The following MED12L variants were observed in gnomAD, a reference collection of about 807,000 sequenced individuals.
MED12L encodes the protein mediator complex subunit 12L.
MED12L carries 60 observed loss-of-function variants against 281.3 expected under a neutral mutation model. The ratio of observed to expected loss-of-function variants is 0.21; its 90% CI spans 0.17 to 0.26. The LOEUF (loss-of-function observed/expected upper bound fraction) is 0.26, where lower values mean the gene tolerates loss of function less well. MED12L is among the 10% of genes least tolerant of loss of function. The pLI, the probability that MED12L is intolerant of heterozygous loss-of-function variation, is 1.00. For synonymous variants in MED12L, 974 were observed against 987.2 expected (o/e 0.99, Z 0.25); for missense variants, 2,146 against 2,680.9 (o/e 0.80, Z 4.41).
At chr3:151,366,156 A>T (rs1410869793) in intron 23 of MED12L, among the ~76,000 whole-genome samples, 165 bp downstream of exon 23, 4 of 152,170 alleles carry the variant, frequency 2.6e-5, no homozygotes, top group African/African-American at 4.8e-5. Flanking sequence ...ATTGCCAGGG[A>T]TTAAATACAT....
At chr3:151,169,100 T>C (rs1165887706) in intron 11 of MED12L, among the ~76,000 whole-genome samples, 1 of 150,482 alleles carries the variant, frequency 6.6e-6, no homozygotes, top group African/African-American at 2.5e-5. Flanking sequence ...TGTTTTCTTT[T>C]TCTTTGTTTT....
intron 16 of MED12L, among the ~76,000 whole-genome samples, chr3:151,292,288 CTTTT>C (rs35742538): frequency 0.43 from 59,934 of 139,862 alleles, 12,635 homozygotes; most frequent in Middle Eastern, 0.63. Context: ...AATATTGCTC[CTTTT>C]TTTTTTTTTT....
rs1349289056 is a variant in MED12L at position 151,163,939 on chromosome 3, C to T, written c.1154C>T (p.Thr385Ile). The T allele has an allele frequency of 3.0e-5, 48 of 1,613,446 alleles. No individual in the cohort carries two copies. The highest frequency in any genetic ancestry group is 4.1e-5 in the Non-Finnish European group (48 of 1,179,758). The stretch of plus-strand genomic sequence containing the variant: ...AGTGCCTTGGTGTGGAATTATTCCA[C>T]AAATGAAAATAAGAGCGCAAACCCA... ...CPSALVWNYS[T>I]NENKSANPGS... Residue 385 changes from threonine (T) to isoleucine (I), a missense_variant, in exon 9 of 45, where the codon ACA (threonine) becomes ATA (isoleucine). By Grantham distance (89) the Thr-to-Ile change is moderately conservative (BLOSUM62 -1). This residue lies in a region of MED12L where 722 missense variants were observed against 861.2 expected (regional missense o/e 0.84). Coordinates refer to ENST00000687756, the MANE Select transcript of MED12L (RefSeq NM_001393769.1).
intron 43 of MED12L, among the ~76,000 whole-genome samples, chr3:151,428,849 CA>C (rs972689944): frequency 6.6e-6 from 1 of 152,050 alleles, no homozygotes; most frequent in Non-Finnish European, 1.5e-5. Context: ...TTGTCATGTG[CA>C]ATATTTGGGA....
chr3:151,294,503 C>T (rs545185538), intron 16 of MED12L: 36 of 1,614,162 alleles, frequency 2.2e-5, no homozygotes, highest in Admixed American at 6.7e-5. Flanking sequence ...GTTATGTTTT[C>T]GCTTTCGGCT....
At chr3:151,164,767 C>G (rs1720461947) in intron 9 of MED12L, among the ~76,000 whole-genome samples, 1 of 151,916 alleles carries the variant, frequency 6.6e-6, no homozygotes, top group South Asian at 2.1e-4. Flanking sequence ...AAACCAAACA[C>G]CGCATGTTCT....
At chr3:151,422,953 G>GT (rs61502768) in intron 43 of MED12L, among the ~76,000 whole-genome samples, 23,327 of 140,992 alleles carry the variant, frequency 0.17, 2,830 homozygotes, top group East Asian at 0.45. Flanking sequence ...ACAGAACTAG[G>GT]TTTTTTTTTT....
At chr3:151,116,485 G>A in intron 3 of MED12L, 43 bp downstream of exon 3, 1 of 1,276,394 alleles carries the variant, frequency 7.8e-7, no homozygotes. Context: ...GAAAAAGTGT[G>A]TATATGTGAC....
At chr3:151,312,501 A>G (rs1747679853) in intron 16 of MED12L, among the ~76,000 whole-genome samples, 1 of 152,098 alleles carries the variant, frequency 6.6e-6, no homozygotes, top group African/African-American at 2.4e-5. Context: ...AGTAAAGGGT[A>G]CCCTCTAGAC....
At chr3:151,114,598 C>A (rs1712438001) in intron 2 of MED12L, among the ~76,000 whole-genome samples, 1 of 152,160 alleles carries the variant, frequency 6.6e-6, no homozygotes, top group African/African-American at 2.4e-5. Context: ...GCTACCATTA[C>A]TCCAACTGTT....
At chr3:151,162,106 A>G (rs1397914445) in intron 8 of MED12L, among the ~76,000 whole-genome samples, 1 of 152,170 alleles carries the variant, frequency 6.6e-6, no homozygotes, top group Non-Finnish European at 1.5e-5. Context: ...ATATATATAT[A>G]TTTTGATGGG....
rs138816254 is a variant in MED12L, at chr3:151,129,432, C to A, written c.556+1448C>A. 1.2e-3 allele frequency among the ~76,000 whole-genome samples: 182 copies of A among 151,652 alleles called. 4 individuals are homozygous for A. The East Asian group carries it at 0.031, about 26-fold the overall frequency. The stretch of plus-strand genomic sequence containing the variant: ...GTAATCCACAAGTTAACAGTGATGG[C>A]CTCTTAGTGTTGTTTTCACGGTGGT... On this transcript the variant is annotated intron_variant, in intron 5 of 44. Transcript: ENST00000687756.
chr3:151,101,702 T>G (rs1170832450), intron 2 of MED12L, among the ~76,000 whole-genome samples: 8 of 127,122 alleles, frequency 6.3e-5, no homozygotes, highest in East Asian at 5.6e-4. Context: ...CCCCAGCAGG[T>G]TGGGGGGTGG....
chr3:151,215,909 C>G (rs1576996418), intron 16 of MED12L, among the ~76,000 whole-genome samples: 1 of 152,176 alleles, frequency 6.6e-6, no homozygotes, highest in Admixed American at 6.5e-5. Flanking sequence ...CACAGACTTT[C>G]ATTTGTGTGG....
At chr3:151,102,896 G>A (rs1721565091) in intron 2 of MED12L, among the ~76,000 whole-genome samples, 1 of 152,150 alleles carries the variant, frequency 6.6e-6, no homozygotes, top group Non-Finnish European at 1.5e-5. Context: ...TGGGAAAGAA[G>A]GATAAAAGAA....
At position 151,398,014 on chromosome 3, in the gene MED12L, CA is replaced by C. The variant is rs199712571; in HGVS notation, c.5820+3148del. On this transcript the variant is annotated intron_variant, in intron 39 of 44. Transcript: ENST00000687756. ...TGGTTACCCCCTTTTCTTATGAGGTCAGACACTGGGCTGTATACTATTTTGT... is the reference window on the plus strand; with the variant it reads ...TGGTTACCCCCTTTTCTTATGAGGTCGACACTGGGCTGTATACTATTTTGT... Among the ~76,000 whole-genome samples the C allele has an allele frequency of 4.3e-3, 652 of 152,304 alleles. 4 individuals carry two copies. Among genetic ancestry groups the C allele is most frequent in the African/African-American group, 0.015 (606 of 41,552 alleles).
intron 4 of MED12L, among the ~76,000 whole-genome samples, chr3:151,125,289 A>G (rs1576779516): frequency 6.6e-6 from 1 of 152,104 alleles, no homozygotes; most frequent in Non-Finnish European, 1.5e-5. Context: ...AACTTCTTTC[A>G]CATATGTTCT....
At chr3:151,227,327 G>A (rs1207881432) in intron 16 of MED12L, among the ~76,000 whole-genome samples, 3 of 152,140 alleles carry the variant, frequency 2.0e-5, no homozygotes, top group Middle Eastern at 3.4e-3. Flanking sequence ...CTTGATCTTC[G>A]TATTCACAGT....
rs1244173290 is a variant in MED12L, at chr3:151,434,261, T to C, written c.*1457T>C. On this transcript the variant is annotated 3_prime_UTR_variant, in exon 45 of 45. Coordinates refer to ENST00000687756, the MANE Select transcript of MED12L (RefSeq NM_001393769.1). ...GTAGCTAGTACAACTTTAGTAGACA[T>C]TTTCTTTTGCAAATCATTATCTATA... The C allele has an allele frequency of 1.3e-5, 2 of 152,316 alleles. No homozygotes were observed. Among genetic ancestry groups the C allele is most frequent in the East Asian group, 3.9e-4 (2 of 5,188 alleles). The allele number at this position is 152,316 out of a possible 1,614,324, so 9.4% of individuals were successfully genotyped here. A position where few individuals can be genotyped will look rare whatever the true frequency, so the allele number is the denominator to read the frequency against.
Sources: allele counts gnomAD v4.1 joint callset (sites outside exome capture counted in the v4.1 genomes callset), GRCh38; gene constraint gnomAD v4.1.1; regional missense constraint gnomAD v4.1.1; transcripts MANE v1.5; gene names NCBI Gene and HGNC (gene_info 2026-07-23, HGNC 2026-07-21).